The following SLC30A8 variants were observed in gnomAD, a reference collection of about 807,000 sequenced individuals.
SLC30A8 encodes the protein proton-coupled zinc antiporter SLC30A8.
A neutral mutation model predicts 36.9 loss-of-function variants in SLC30A8; 27 were observed. That is an observed-to-expected ratio of 0.73 (90% CI 0.54 to 1.01). SLC30A8 has a LOEUF of 1.01. Ranked by LOEUF, SLC30A8 falls within the 50% of genes least tolerant of loss-of-function variation. SLC30A8 has a pLI of 0.00. For missense variants in SLC30A8, 439 were observed against 452.0 expected (o/e 0.97, Z 0.26); for synonymous variants, 164 against 172.4 (o/e 0.95, Z 0.38).
chr8:117,131,312 C>A (rs1442554321), upstream of SLC30A8, among the ~76,000 whole-genome samples: 2 of 151,712 alleles, frequency 1.3e-5, no homozygotes, highest in South Asian at 4.1e-4. Context: ...GAAATACTCA[C>A]ACTGTAGTAA....
intron 1 of SLC30A8, among the ~76,000 whole-genome samples, chr8:117,026,003 G>A (rs1224664822): frequency 1.3e-5 from 2 of 152,202 alleles, no homozygotes; most frequent in African/African-American, 4.8e-5. Flanking sequence ...TGGTGCATTT[G>A]TTCGTAGCAT....
intron 2 of SLC30A8, among the ~76,000 whole-genome samples, chr8:117,052,666 C>G (rs1465380485): frequency 6.6e-6 from 1 of 152,164 alleles, no homozygotes; most frequent in Non-Finnish European, 1.5e-5. Flanking sequence ...TGTGGTTCAG[C>G]TGGATCGTAA....
chr8:117,151,697 C>T (rs1365739704), intron 2 of SLC30A8, among the ~76,000 whole-genome samples: 1 of 152,208 alleles, frequency 6.6e-6, no homozygotes, highest in Non-Finnish European at 1.5e-5. Flanking sequence ...CGTCATCACT[C>T]ATTGCTGTGA....
Position 117,153,071 on chromosome 8 carries a change from A to G in SLC30A8, c.399A>G (p.Thr133=). 1 of 1,611,362 alleles carries G rather than the reference A, an allele frequency of 6.2e-7. No homozygotes were observed. Among genetic ancestry groups the G allele is most frequent in the South Asian group, 1.1e-5 (1 of 90,640 alleles). Residue 133 remains threonine (T), a synonymous_variant, in exon 3 of 8, where the codon ACA becomes ACG. Coordinates refer to ENST00000456015, the MANE Select transcript of SLC30A8 (RefSeq NM_173851.3). ...CGAAGCCTCCCTCTAAGCGGCTGAC[A>G]TTTGGATGGCACCGAGCAGGTACGG... is the stretch of plus-strand genomic sequence containing the variant. ...LSSKPPSKRL[T]FGWHRAEILG...
intron 3 of SLC30A8, among the ~76,000 whole-genome samples, 186 bp from the exon 4 acceptor site, chr8:117,157,505 A>G (rs1046806609): frequency 3.3e-5 from 5 of 152,214 alleles, no homozygotes; most frequent in Non-Finnish European, 7.3e-5. Context: ...TGTTTTATGA[A>G]TGCAACATTA....
At chr8:116,979,282 A>T (rs1459743719) in intron 1 of SLC30A8, among the ~76,000 whole-genome samples, 2 of 150,862 alleles carry the variant, frequency 1.3e-5, no homozygotes, top group African/African-American at 4.9e-5. Context: ...AATCATAAAG[A>T]TAATTGTGTC....
chr8:117,041,878 G>A (rs1270158539), intron 2 of SLC30A8, among the ~76,000 whole-genome samples: 2 of 152,048 alleles, frequency 1.3e-5, no homozygotes, highest in Non-Finnish European at 1.5e-5. Context: ...CCCGCCATTC[G>A]GTGTTTTCAT....
intron 2 of SLC30A8, among the ~76,000 whole-genome samples, chr8:117,049,319 T>C (rs1320701500): frequency 6.6e-6 from 1 of 152,222 alleles, no homozygotes. Context: ...AATAACCCTA[T>C]GAATTAGATG....
intron 3 of SLC30A8, 93 bp downstream of exon 3, chr8:117,153,183 A>G (rs2130985963): frequency 7.5e-7 from 1 of 1,335,888 alleles, no homozygotes; most frequent in African/African-American, 1.4e-5. Context: ...GCCTTGTTGG[A>G]AAGTCCTTAG....
chr8:117,037,989 G>GAT, intron 1 of SLC30A8, among the ~76,000 whole-genome samples: 1 of 152,320 alleles, frequency 6.6e-6, no homozygotes, highest in Admixed American at 6.5e-5. Context: ...CATTGCAGGT[G>GAT]AAGTTAGAGA....
At chr8:117,016,084 C>T (rs1377903283) in intron 1 of SLC30A8, among the ~76,000 whole-genome samples, 1 of 152,104 alleles carries the variant, frequency 6.6e-6, no homozygotes, top group Non-Finnish European at 1.5e-5. Flanking sequence ...TACTTTCAGC[C>T]AGGTGAATCA....
intron 2 of SLC30A8, among the ~76,000 whole-genome samples, chr8:117,098,471 C>T (rs572862165): frequency 2.0e-5 from 3 of 152,230 alleles, no homozygotes; most frequent in South Asian, 2.1e-4. Flanking sequence ...ATCAGGAAAG[C>T]GTGTAGCTCC....
chr8:117,097,652 A>ATATATAT lies in SLC30A8; in HGVS notation c.-225-37627_-225-37621dup, dbSNP rs1563594278. Among the ~76,000 whole-genome samples, 82 of 37,210 alleles carry ATATATAT rather than the reference A, an allele frequency of 2.2e-3. 14 individuals carry two copies. The highest frequency in any genetic ancestry group is 0.021 in the African/African-American group (58 of 2,804). The allele number at this position is 37,210 out of a possible 152,430, so 24.4% of individuals were successfully genotyped here. A position where few individuals can be genotyped will look rare whatever the true frequency, so the allele number is the denominator to read the frequency against. ...TATATATAATATATAATTTTAAATA[A>ATATATAT]TATATATAATATATAATTTTAAATA... On this transcript the variant is annotated intron_variant, in intron 2 of 10. Transcript: ENST00000427715.
intron 1 of SLC30A8, among the ~76,000 whole-genome samples, chr8:117,037,707 G>T (rs1352911402): frequency 1.3e-5 from 2 of 152,136 alleles, no homozygotes; most frequent in Non-Finnish European, 2.9e-5. Context: ...TTAGAATAAT[G>T]AGAAAACAAG....
chr8:117,018,077 C>T (rs1816577885), intron 1 of SLC30A8: 1 of 152,184 alleles, frequency 6.6e-6, no homozygotes, highest in Non-Finnish European at 1.5e-5. Context: ...AGTTTGGCAT[C>T]AATATGGTGA....
chr8:117,172,704 C>A lies in SLC30A8; in HGVS notation c.*23C>A, dbSNP rs1331872633. ...TAGCTCAGTCACACCGTCAGTTTCC[C>A]AAATTTGACAGGCCACCTTCAAACA... On this transcript the variant is annotated 3_prime_UTR_variant, in exon 8 of 8. Coordinates refer to ENST00000456015, the MANE Select transcript of SLC30A8 (RefSeq NM_173851.3). 1 of 1,612,306 alleles carries A rather than the reference C, an allele frequency of 6.2e-7. No homozygotes were observed. Among genetic ancestry groups the A allele is most frequent in the African/African-American group, 1.3e-5 (1 of 74,840 alleles).
chr8:117,137,777 T>A (rs535507492), intron 1 of SLC30A8, among the ~76,000 whole-genome samples: 1 of 151,974 alleles, frequency 6.6e-6, no homozygotes, highest in African/African-American at 2.4e-5. Flanking sequence ...CATTCTCAGA[T>A]AGCTTAAGCC....
chr8:117,151,476 G>T (rs1163243386), intron 2 of SLC30A8, among the ~76,000 whole-genome samples: 1 of 152,216 alleles, frequency 6.6e-6, no homozygotes, highest in Non-Finnish European at 1.5e-5. Flanking sequence ...ATCAGTGACT[G>T]CCCGCAGTTT....
intron 2 of SLC30A8, among the ~76,000 whole-genome samples, chr8:117,052,595 G>C (rs1254759284): frequency 6.6e-6 from 1 of 152,146 alleles, no homozygotes; most frequent in Non-Finnish European, 1.5e-5. Flanking sequence ...GTTCATTTCA[G>C]AAAATTATTT....
Sources: allele counts gnomAD v4.1 joint callset (sites outside exome capture counted in the v4.1 genomes callset), GRCh38; gene constraint gnomAD v4.1.1; transcripts MANE v1.5; gene names NCBI Gene and HGNC (gene_info 2026-07-23, HGNC 2026-07-21).